The following NTRK3 variants were observed in gnomAD, a reference collection of about 807,000 sequenced individuals.
NTRK3 encodes neurotrophic receptor tyrosine kinase 3, also known as NT-3 growth factor receptor.
Under a neutral mutation model 91.7 loss-of-function variants are expected in NTRK3, and 24 were observed. The observed-to-expected ratio is 0.26, with a 90% confidence interval of 0.19 to 0.37. The LOEUF (loss-of-function observed/expected upper bound fraction) is 0.37, where lower values mean the gene tolerates loss of function less well. NTRK3 is among the 10% of genes least tolerant of loss of function. The pLI, the probability that NTRK3 is intolerant of heterozygous loss-of-function variation, is 1.00. For synonymous variants in NTRK3, 483 were observed against 404.0 expected (o/e 1.20, Z -2.34); for missense variants, 880 against 1,068.9 (o/e 0.82, Z 2.46).
chr15:88,135,407 G>C lies in NTRK3; in HGVS notation c.908-10C>G, dbSNP rs368597013. 1.6e-5 allele frequency: 25 copies of C among 1,612,464 alleles called. No homozygotes were observed. The African/African-American group carries it at 2.8e-4, about 18-fold the overall frequency. ...ACCACACGTGGGGGATCTGTCAAGG[G>C]AGAAGCCTGCTGAAATCCAGGACAC... On this transcript the variant is annotated splice_polypyrimidine_tract_variant and intron_variant, in intron 9 of 18. Coordinates refer to ENST00000394480, the Ensembl canonical transcript of NTRK3.
At chr15:87,929,566 G>T in intron 16 of NTRK3, 132 bp from the exon 17 acceptor site, 1 of 1,189,022 alleles carries the variant, frequency 8.4e-7, no homozygotes, top group Non-Finnish European at 1.2e-6. Flanking sequence ...CCTGCCTATG[G>T]CTTATTTTTA....
At chr15:88,093,470 T>G (rs1419487049) in intron 13 of NTRK3, among the ~76,000 whole-genome samples, 2 of 152,202 alleles carry the variant, frequency 1.3e-5, no homozygotes, top group East Asian at 1.9e-4. Flanking sequence ...CTTCTCATGC[T>G]TATGGATGGG....
At chr15:88,102,832 C>G (rs2050314675) in intron 13 of NTRK3, among the ~76,000 whole-genome samples, 1 of 152,170 alleles carries the variant, frequency 6.6e-6, no homozygotes, top group Non-Finnish European at 1.5e-5. Flanking sequence ...ATCCGACCAC[C>G]CTTCAAGGCC....
intron 3 of NTRK3, among the ~76,000 whole-genome samples, chr15:88,214,985 C>A (rs577242947): frequency 2.6e-4 from 40 of 152,312 alleles, no homozygotes; most frequent in African/African-American, 9.6e-4. Context: ...CACTCCTCTG[C>A]CCGGTTTCCT....
intron 15 of NTRK3, 136 bp downstream of exon 15, chr15:87,940,487 C>T: frequency 1.4e-6 from 2 of 1,419,800 alleles, no homozygotes. Context: ...CTTCATTGAC[C>T]TCGGAGCAAA....
chr15:87,972,759 A>G (rs1186542901), intron 14 of NTRK3, among the ~76,000 whole-genome samples: 2 of 152,200 alleles, frequency 1.3e-5, no homozygotes, highest in African/African-American at 4.8e-5. Context: ...AAGTCCCACC[A>G]GAGCCCTCAG....
In NTRK3 at chr15:88,152,321, C is replaced by CA. The variant is rs560589987; in HGVS notation, c.396-4919dup. On this transcript the variant is annotated intron_variant, in intron 5 of 18. Transcript: ENST00000394480. The stretch of plus-strand genomic sequence containing the variant: ...CATCTCAAAACAAAACAAAACAAAA[C>CA]AAACAAACAAAATCCTAACCCCCAT... Among the ~76,000 whole-genome samples the CA allele has an allele frequency of 7.9e-5, 12 of 152,180 alleles. No individual in the cohort carries two copies. In the South Asian group the frequency reaches 2.5e-3, roughly 32 times the overall value.
intron 13 of NTRK3, among the ~76,000 whole-genome samples, chr15:88,114,921 A>G (rs1025975461): frequency 6.6e-6 from 1 of 152,200 alleles, no homozygotes; most frequent in African/African-American, 2.4e-5. Context: ...ATGTATTAAT[A>G]TTTAACTAGT....
chr15:88,185,370 C>T (rs1454917418), intron 3 of NTRK3, among the ~76,000 whole-genome samples: 1 of 152,202 alleles, frequency 6.6e-6, no homozygotes, highest in Non-Finnish European at 1.5e-5. Context: ...GGGTATGGAT[C>T]TGATTTCTGG....
At chr15:88,021,221 C>T (rs117314081) in intron 14 of NTRK3, among the ~76,000 whole-genome samples, 61 of 152,330 alleles carry the variant, frequency 4.0e-4, no homozygotes, top group Non-Finnish European at 7.2e-4. Context: ...GCTATTCCCA[C>T]GGAATGCAGC....
intron 14 of NTRK3, among the ~76,000 whole-genome samples, chr15:88,010,629 T>A (rs527440421): frequency 7.4e-4 from 113 of 152,258 alleles, no homozygotes; most frequent in African/African-American, 2.7e-3. Context: ...AATAAACCTA[T>A]TGAATAAGGA....
At chr15:88,242,233 G>T (rs1421657276) in intron 3 of NTRK3, among the ~76,000 whole-genome samples, 2 of 152,162 alleles carry the variant, frequency 1.3e-5, no homozygotes, top group Non-Finnish European at 2.9e-5. Context: ...GACAGGGAAA[G>T]AAATGAAACT....
At chr15:88,193,567 G>A (rs938963549) in intron 3 of NTRK3, among the ~76,000 whole-genome samples, 2 of 152,112 alleles carry the variant, frequency 1.3e-5, no homozygotes, top group African/African-American at 2.4e-5. Flanking sequence ...GTTTTCTAAG[G>A]GCAAGGCCAG....
At chr15:88,079,091 G>A (rs749344510) in intron 13 of NTRK3, among the ~76,000 whole-genome samples, 26 of 152,194 alleles carry the variant, frequency 1.7e-4, no homozygotes, top group East Asian at 3.9e-4. Flanking sequence ...TGGTGTTGGC[G>A]GAGGGGTGGC....
At chr15:88,112,079 T>G (rs1293899563) in intron 13 of NTRK3, among the ~76,000 whole-genome samples, 1 of 152,074 alleles carries the variant, frequency 6.6e-6, no homozygotes, top group Non-Finnish European at 1.5e-5. Context: ...GCTAATTTTT[T>G]GTATTTTTAG....
At position 88,116,438 on chromosome 15, in the gene NTRK3, T is replaced by TAA. The variant is rs869068486; in HGVS notation, c.1396+9831_1396+9832dup. Among the ~76,000 whole-genome samples, 7 of 121,482 alleles carry TAA rather than the reference T, an allele frequency of 5.8e-5. No individual in the cohort carries two copies. In the East Asian group the frequency reaches 1.3e-3, roughly 23 times the overall value. 79.7% of individuals were successfully genotyped at this position (121,482 alleles called of 152,430 possible). ...CGTATCTACTAAAAGTACAAAAATTTAAAAAAAAAAAAATGGTGGTTATAG... is the reference window on the plus strand; with the variant it reads ...CGTATCTACTAAAAGTACAAAAATTTAAAAAAAAAAAAAAATGGTGGTTATAG... On this transcript the variant is annotated intron_variant, in intron 13 of 18. Coordinates refer to ENST00000394480, the Ensembl canonical transcript of NTRK3.
intron 14 of NTRK3, among the ~76,000 whole-genome samples, chr15:88,000,946 G>T (rs532979127): frequency 6.6e-6 from 1 of 152,226 alleles, no homozygotes; most frequent in Non-Finnish European, 1.5e-5. Flanking sequence ...CAAAGCAGCT[G>T]CATCATTTTA....
At chr15:87,958,648 A>C (rs9806413) in intron 14 of NTRK3, among the ~76,000 whole-genome samples, 9 of 151,422 alleles carry the variant, frequency 5.9e-5, no homozygotes, top group Admixed American at 1.3e-4. Flanking sequence ...GTGTCCACTC[A>C]ACACCCAAGC....
intron 5 of NTRK3, among the ~76,000 whole-genome samples, chr15:88,164,139 G>C (rs1388545825): frequency 6.6e-6 from 1 of 152,140 alleles, no homozygotes; most frequent in East Asian, 1.9e-4. Context: ...AGGAATCCAG[G>C]GAAGAACTCT....
Sources: allele counts gnomAD v4.1 joint callset (sites outside exome capture counted in the v4.1 genomes callset), GRCh38; gene constraint gnomAD v4.1.1; transcripts MANE v1.5; gene names NCBI Gene and HGNC (gene_info 2026-07-23, HGNC 2026-07-21).